Variants in GPHN observed in about 807,000 individuals in gnomAD.
GPHN encodes the protein gephyrin.
In GPHN, 17 loss-of-function variants were observed where a neutral mutation model predicts 95.5. That is an observed-to-expected ratio of 0.18 (90% CI 0.12 to 0.27). The LOEUF is 0.27. GPHN is among the 10% of genes least tolerant of loss of function. The probability of loss-of-function intolerance (pLI) is 1.00; values close to 1 mark genes in which losing one functional copy is unlikely to be tolerated. For synonymous variants in GPHN, 320 were observed against 322.5 expected, an observed-to-expected ratio of 0.99 and a Z score of 0.08; for missense variants, 660 against 978.1, an observed-to-expected ratio of 0.67 and a Z score of 4.34.
At chr14:66,911,681 TTTCATATTC>T (rs1233685598) in intron 5 of GPHN, among the ~76,000 whole-genome samples, 1 of 151,900 alleles carries the variant, frequency 6.6e-6, no homozygotes, top group Non-Finnish European at 1.5e-5. Flanking sequence ...AAGCAATATT[TTTCATATTC>T]TTCTATTCTC....
intron 1 of GPHN, among the ~76,000 whole-genome samples, chr14:66,514,008 A>C (rs1436762261): frequency 6.6e-6 from 1 of 151,932 alleles, no homozygotes; most frequent in Non-Finnish European, 1.5e-5. Flanking sequence ...AAGGAAATGA[A>C]ATATGATGAA....
At chr14:67,251,249 G>A in the GPHN span, among the ~76,000 whole-genome samples, 7 of 152,242 alleles carry the variant, frequency 4.6e-5, 1 homozygote, top group East Asian at 3.9e-4. Context: ...AAAAATGTAC[G>A]TGAGGCTGGC....
intron 16 of GPHN, among the ~76,000 whole-genome samples, chr14:67,115,375 G>A (rs2078620577): frequency 6.6e-6 from 1 of 152,162 alleles, no homozygotes; most frequent in Non-Finnish European, 1.5e-5. Context: ...AATGTAGCAA[G>A]GCCATAATTT....
chr14:66,793,836 T>G (rs960005811), intron 3 of GPHN, among the ~76,000 whole-genome samples: 8 of 152,090 alleles, frequency 5.3e-5, no homozygotes, highest in Non-Finnish European at 2.9e-5. Flanking sequence ...AAATATTCAC[T>G]TCATGTAAAA....
At chr14:67,527,967 C>A in the GPHN span, among the ~76,000 whole-genome samples, 3,375 of 152,260 alleles carry the variant, frequency 0.022, 145 homozygotes, top group African/African-American at 0.077. Flanking sequence ...TTGCCCTGTA[C>A]TGAGCCACCT....
chr14:67,593,441 T>A, the GPHN span: 1 of 318,794 alleles, frequency 3.1e-6, no homozygotes, highest in Non-Finnish European at 5.9e-6. Flanking sequence ...CAGTGAGCTG[T>A]GATCGAGCCA....
At chr14:67,234,208 G>C in the GPHN span, among the ~76,000 whole-genome samples, 1 of 152,162 alleles carries the variant, frequency 6.6e-6, no homozygotes, top group Non-Finnish European at 1.5e-5. Flanking sequence ...GCTAGCAATT[G>C]ACAGAGCTGG....
Position 67,036,538 on chromosome 14 carries a change from CACAG to C in GPHN, c.1006+12865_1006+12868del, listed in dbSNP as rs1442681221. 2.8e-3 allele frequency among the ~76,000 whole-genome samples: 418 copies of C among 149,924 alleles called. 6 individuals are homozygous for C. The highest frequency in any genetic ancestry group is 6.0e-3 in the Admixed American group (90 of 15,050). On this transcript the variant is annotated intron_variant, in intron 10 of 22. Coordinates refer to ENST00000478722, the MANE Select transcript of GPHN (RefSeq NM_020806.5). Reference sequence around the variant, plus strand: ...ACACACACACACACACACACACACACACAGAGAAACACTAACTGTTAAAGCTAAT... The same window carrying C: ...ACACACACACACACACACACACACACAGAAACACTAACTGTTAAAGCTAAT...
intron 1 of GPHN, among the ~76,000 whole-genome samples, chr14:66,615,032 A>ATG (rs1174029450): frequency 5.3e-5 from 8 of 152,184 alleles, no homozygotes; most frequent in African/African-American, 1.9e-4. Context: ...ATGTCCCTGC[A>ATG]AAAGACATGA....
At chr14:66,816,009 T>C (rs2060950230) in intron 3 of GPHN, among the ~76,000 whole-genome samples, 1 of 152,132 alleles carries the variant, frequency 6.6e-6, no homozygotes. Context: ...GGGTTGCAGT[T>C]CTACTTTCCG....
At chr14:67,554,946 T>C in the GPHN span, among the ~76,000 whole-genome samples, 1 of 152,350 alleles carries the variant, frequency 6.6e-6, no homozygotes, top group East Asian at 1.9e-4. Flanking sequence ...AGGACCTTGC[T>C]GTGTCACCCA....
the GPHN span, chr14:67,619,988 G>A: frequency 1.4e-5 from 23 of 1,603,600 alleles, no homozygotes; most frequent in African/African-American, 2.7e-5. Flanking sequence ...ATGTCCCTAA[G>A]GGGCAGCCTC....
At chr14:67,358,921 G>T in the GPHN span, among the ~76,000 whole-genome samples, 3 of 152,004 alleles carry the variant, frequency 2.0e-5, no homozygotes, top group African/African-American at 7.3e-5. Flanking sequence ...TTTTTTTGTG[G>T]ACCTTCTATG....
the GPHN span, among the ~76,000 whole-genome samples, chr14:67,504,314 TCA>T: frequency 6.6e-6 from 1 of 152,224 alleles, no homozygotes; most frequent in South Asian, 2.1e-4. Flanking sequence ...GTGCCCAGGC[TCA>T]GTTTGTTTGT....
At chr14:67,446,089 C>T in the GPHN span, 1 of 513,160 alleles carries the variant, frequency 1.9e-6, no homozygotes, top group Non-Finnish European at 3.9e-6. Context: ...TCCCAGCTCT[C>T]ATGGGAGGCA....
the GPHN span, among the ~76,000 whole-genome samples, chr14:67,641,194 T>C: frequency 5.7e-4 from 87 of 152,342 alleles, no homozygotes; most frequent in African/African-American, 2.0e-3. Flanking sequence ...TTTAAAATAT[T>C]ATATAAAATT....
chr14:66,816,143 A>G (rs2153486574), intron 3 of GPHN, among the ~76,000 whole-genome samples: 1 of 152,328 alleles, frequency 6.6e-6, no homozygotes, highest in Non-Finnish European at 1.5e-5. Context: ...ACACAGGAGC[A>G]CCCACACTCA....
intron 16 of GPHN, among the ~76,000 whole-genome samples, chr14:67,113,945 C>T (rs1434963169): frequency 1.3e-5 from 2 of 152,084 alleles, no homozygotes; most frequent in East Asian, 3.8e-4. Flanking sequence ...TTAATAATTC[C>T]TTTGACCTTA....
At chr14:66,913,757 TG>T (rs1407834761) in intron 5 of GPHN, among the ~76,000 whole-genome samples, 2 of 152,226 alleles carry the variant, frequency 1.3e-5, no homozygotes, top group Admixed American at 1.3e-4. Flanking sequence ...CTTAAGCATT[TG>T]GGTTGCATTT....
Sources: gnomAD v4.1 joint callset for allele counts (sites outside exome capture counted in the v4.1 genomes callset) on GRCh38, gnomAD v4.1.1 for gene constraint, MANE v1.5 for transcripts, NCBI Gene and HGNC (gene_info 2026-07-23, HGNC 2026-07-21) for gene names.